Variants in TMEM232 observed in about 807,000 individuals in gnomAD.
TMEM232 encodes the protein transmembrane protein 232.
In TMEM232, 80 loss-of-function variants were observed where a neutral mutation model predicts 78.8. That is an observed-to-expected ratio of 1.01 (90% CI 0.85 to 1.22). TMEM232 has a LOEUF of 1.22. Among genes scored for constraint, TMEM232 ranks in the 50% most tolerant of loss-of-function variants. TMEM232 has a pLI of 0.00. For missense variants in TMEM232, 881 were observed against 742.2 expected, an observed-to-expected ratio of 1.19 and a Z score of -2.17; for synonymous variants, 297 against 254.3, an observed-to-expected ratio of 1.17 and a Z score of -1.60.
intron 2 of TMEM232, among the ~76,000 whole-genome samples, chr5:110,411,909 CTATT>C (rs199880792): frequency 0.022 from 3,323 of 152,216 alleles, 35 homozygotes; most frequent in South Asian, 0.029. Context: ...GTACCCTCTT[CTATT>C]TGAGTACTGT....
At chr5:110,676,324 C>T (rs990762293) in intron 1 of TMEM232, among the ~76,000 whole-genome samples, 2 of 151,026 alleles carry the variant, frequency 1.3e-5, no homozygotes, top group Non-Finnish European at 2.9e-5. Context: ...GTTCTATTTT[C>T]AATTTTTTTT....
chr5:110,714,792 T>C (rs1408538726), intron 1 of TMEM232, among the ~76,000 whole-genome samples: 1 of 152,154 alleles, frequency 6.6e-6, no homozygotes, highest in Non-Finnish European at 1.5e-5. Flanking sequence ...ATTTGAGAGA[T>C]ACAAATACAA....
chr5:110,417,965 T>C (rs1756315882), downstream of TMEM232: 1 of 152,152 alleles, frequency 6.6e-6, no homozygotes, highest in Non-Finnish European at 1.5e-5. Flanking sequence ...ACCAGTTGTA[T>C]TGTGCCCCCT....
chr5:110,432,387 C>T (rs1757955952), intron 12 of TMEM232, among the ~76,000 whole-genome samples: 1 of 151,636 alleles, frequency 6.6e-6, no homozygotes, highest in Admixed American at 6.6e-5. Flanking sequence ...CCAAACCGAG[C>T]TTCATAAACG....
intron 2 of TMEM232, among the ~76,000 whole-genome samples, chr5:110,408,253 A>G (rs1755866870): frequency 6.6e-6 from 1 of 152,124 alleles, no homozygotes; most frequent in Non-Finnish European, 1.5e-5. Flanking sequence ...TAGAAGGAAA[A>G]TAATAATAAA....
At chr5:110,628,922 C>G (rs911247876) in intron 5 of TMEM232, 1 of 151,912 alleles carries the variant, frequency 6.6e-6, no homozygotes, top group Admixed American at 6.6e-5. Flanking sequence ...TTTTTTATTA[C>G]AAACCTCTAT....
At chr5:110,632,731 A>T (rs2149979107) in intron 5 of TMEM232, among the ~76,000 whole-genome samples, 1 of 152,286 alleles carries the variant, frequency 6.6e-6, no homozygotes, top group East Asian at 1.9e-4. Context: ...AAAAAGAAAA[A>T]AAACAAAGTC....
chr5:110,432,403 G>T (rs564064071), intron 12 of TMEM232, among the ~76,000 whole-genome samples: 1 of 151,698 alleles, frequency 6.6e-6, no homozygotes, highest in Non-Finnish European at 1.5e-5. Flanking sequence ...AAACGAAGGA[G>T]AATGAAGTTT....
At position 110,524,394 on chromosome 5, in the gene TMEM232, AG is replaced by A. The variant is rs1401835077; in HGVS notation, c.1703+4193del. ...AAGAAAGAAAGAAAGAAAGAAAGAA[AG>A]AAAGAAAGAAAGAAAGAAAGAAAAG... On this transcript the variant is annotated intron_variant, in intron 12 of 13. Transcript: ENST00000455884. Among the ~76,000 whole-genome samples the A allele has an allele frequency of 1.4e-3, 100 of 72,972 alleles. 1 individual carries two copies. Among genetic ancestry groups the A allele is most frequent in the Middle Eastern group, 6.2e-3 (1 of 162 alleles). 47.9% of individuals were successfully genotyped at this position (72,972 alleles called of 152,430 possible).
chr5:110,500,304 A>AAG (rs1554091904), intron 12 of TMEM232, among the ~76,000 whole-genome samples: 1 of 148,536 alleles, frequency 6.7e-6, no homozygotes, highest in East Asian at 1.9e-4. Flanking sequence ...AAAAAAAAAA[A>AAG]AAAGAAAGAA....
At chr5:110,565,000 C>CG (rs1776177189) in intron 11 of TMEM232, among the ~76,000 whole-genome samples, 1 of 151,868 alleles carries the variant, frequency 6.6e-6, no homozygotes, top group African/African-American at 2.4e-5. Context: ...TGTAAGAAAC[C>CG]AACACAATAA....
At chr5:110,610,794 A>G (rs1015346124) in intron 8 of TMEM232, among the ~76,000 whole-genome samples, 10 of 152,080 alleles carry the variant, frequency 6.6e-5, no homozygotes, top group African/African-American at 2.4e-4. Context: ...CAAAAAATAA[A>G]CACTGTTATC....
intron 3 of TMEM232, among the ~76,000 whole-genome samples, chr5:110,392,112 T>C (rs938616772): frequency 2.6e-5 from 4 of 152,208 alleles, no homozygotes; most frequent in Non-Finnish European, 5.9e-5. Flanking sequence ...TTTTATTACT[T>C]CTGATACTGA....
intron 5 of TMEM232, among the ~76,000 whole-genome samples, chr5:110,629,162 T>C (rs1031090263): frequency 1.3e-5 from 2 of 152,150 alleles, no homozygotes; most frequent in African/African-American, 4.8e-5. Context: ...ACTACTCTCA[T>C]AGATATAGAC....
chr5:110,493,396 G>T (rs1260048301), intron 12 of TMEM232, among the ~76,000 whole-genome samples: 1 of 138,640 alleles, frequency 7.2e-6, no homozygotes, highest in African/African-American at 2.9e-5. Context: ...AAAAAAAAAA[G>T]TAAAATTGTC....
chr5:110,576,297 G>C (rs574364928), intron 10 of TMEM232, among the ~76,000 whole-genome samples: 7 of 152,096 alleles, frequency 4.6e-5, no homozygotes, highest in African/African-American at 1.7e-4. Flanking sequence ...GTCACAAAAA[G>C]AATGAAATAC....
chr5:110,590,310 A>C (rs1223378017), intron 10 of TMEM232, among the ~76,000 whole-genome samples: 1 of 152,088 alleles, frequency 6.6e-6, no homozygotes, highest in Non-Finnish European at 1.5e-5. Context: ...TCAGATAAAC[A>C]GGGGTCCCCA....
At chr5:110,587,379 T>A (rs1183619156) in intron 10 of TMEM232, among the ~76,000 whole-genome samples, 3 of 152,050 alleles carry the variant, frequency 2.0e-5, no homozygotes, top group Non-Finnish European at 4.4e-5. Flanking sequence ...TCAAACAAGA[T>A]GGTAAACTCC....
intron 1 of TMEM232, among the ~76,000 whole-genome samples, chr5:110,685,899 G>A (rs914046281): frequency 7.2e-5 from 11 of 152,188 alleles, no homozygotes; most frequent in East Asian, 1.9e-4. Context: ...ACACAAAAGT[G>A]TACATACTAT....
Sources: allele counts gnomAD v4.1 joint callset (sites outside exome capture counted in the v4.1 genomes callset), GRCh38; gene constraint gnomAD v4.1.1; transcripts MANE v1.5; gene names NCBI Gene and HGNC (gene_info 2026-07-23, HGNC 2026-07-21).